The following CD44 variants were observed in gnomAD, a reference collection of about 807,000 sequenced individuals.
The protein encoded by CD44 is CD44 molecule (IN blood group), also known as CD44 antigen.
In CD44, 49 loss-of-function variants were observed where a neutral mutation model predicts 88.8. That is an observed-to-expected ratio of 0.55 (90% CI 0.44 to 0.70). The LOEUF (loss-of-function observed/expected upper bound fraction) is 0.70. CD44 is among the 30% of genes least tolerant of loss of function. The pLI is 0.00. For missense variants in CD44, 883 were observed against 913.8 expected (o/e 0.97, Z 0.43); for synonymous variants, 325 against 312.3 (o/e 1.04, Z -0.43).
intron 1 of CD44, among the ~76,000 whole-genome samples, chr11:35,163,871 A>C (rs1164696051): frequency 1.3e-5 from 2 of 152,156 alleles, no homozygotes; most frequent in East Asian, 3.9e-4. Context: ...GCCCCTGAGA[A>C]AGAAGAGATT....
At chr11:35,206,022 G>T (rs1947801519) in intron 10 of CD44, 90 bp from the exon 11 acceptor site, 3 of 1,436,274 alleles carry the variant, frequency 2.1e-6, no homozygotes, top group Non-Finnish European at 2.7e-6. Flanking sequence ...CTTGTCTAGA[G>T]AATAAAGTCT....
chr11:35,174,514 T>G (rs866143541), intron 1 of CD44, among the ~76,000 whole-genome samples: 38 of 152,326 alleles, frequency 2.5e-4, no homozygotes, highest in Middle Eastern at 3.4e-3. Context: ...TTTCCTCAAG[T>G]GTAAACCGGG....
intron 1 of CD44, among the ~76,000 whole-genome samples, chr11:35,166,687 A>T (rs1943312859): frequency 6.6e-6 from 1 of 152,236 alleles, no homozygotes; most frequent in Non-Finnish European, 1.5e-5. Flanking sequence ...AGGCGCCAAG[A>T]CGTTGGGGTG....
intron 12 of CD44, among the ~76,000 whole-genome samples, chr11:35,209,521 A>G (rs971914004): frequency 6.6e-6 from 1 of 152,164 alleles, no homozygotes. Context: ...CAACTAGACT[A>G]CAGGCTATCA....
At position 35,211,432 on chromosome 11, in the gene CD44, T is replaced by C; in HGVS notation, c.1793T>C (p.Val598Ala). The C allele has an allele frequency of 6.2e-7, 1 of 1,613,602 alleles. No individual in the cohort carries two copies. Among genetic ancestry groups the C allele is most frequent in the South Asian group, 1.1e-5 (1 of 91,062 alleles). Reference protein sequence around the residue: ...AVTVGDSNSNVNRSLSGDQDT... With the variant: ...AVTVGDSNSNANRSLSGDQDT... ...ACTGTTGGAGATTCCAACTCTAATG[T>C]CAATCGTTCCTTATCAGGTAATTTG... is the stretch of plus-strand genomic sequence containing the variant. The change falls in exon 14 of 18, where the codon GTC becomes GCC. Residue 598 changes from valine to alanine, a missense_variant. Physicochemically the swap from Val to Ala is moderately conservative, Grantham distance 64. Transcript: ENST00000428726.
At chr11:35,160,576 C>A (rs1942470892) in intron 1 of CD44, among the ~76,000 whole-genome samples, 1 of 152,148 alleles carries the variant, frequency 6.6e-6, no homozygotes, top group African/African-American at 2.4e-5. Context: ...CTTCTAGAGG[C>A]AGAGGGATGG....
chr11:35,195,974 C>G (rs12420308), intron 5 of CD44, among the ~76,000 whole-genome samples: 2 of 152,062 alleles, frequency 1.3e-5, no homozygotes, highest in Non-Finnish European at 2.9e-5. Flanking sequence ...ATGTCATTTT[C>G]CCTGTGTGTT....
chr11:35,201,668 C>A lies in CD44; in HGVS notation c.1037-3C>A. On this transcript the variant is annotated splice_polypyrimidine_tract_variant and splice_region_variant and intron_variant, in intron 8 of 17. Coordinates refer to ENST00000428726, the MANE Select transcript of CD44 (RefSeq NM_000610.4). The stretch of plus-strand genomic sequence containing the variant: ...ACAGTGTATTTAACCATCATCACAG[C>A]AGATGTAGACAGAAATGGCACCACT... 1 of 1,613,496 alleles carries A rather than the reference C, an allele frequency of 6.2e-7. No individual in the cohort carries two copies. Among genetic ancestry groups the A allele is most frequent in the Non-Finnish European group, 8.5e-7 (1 of 1,179,550 alleles).
intron 14 of CD44, among the ~76,000 whole-genome samples, chr11:35,211,698 G>GTGTGTGT (rs1486601582): frequency 6.7e-6 from 1 of 149,110 alleles, no homozygotes; most frequent in Non-Finnish European, 1.5e-5. Flanking sequence ...GTGTGTGTGT[G>GTGTGTGT]TGTGTGTTGT....
In CD44 at chr11:35,229,436, C is replaced by A. The variant is rs558786273; in HGVS notation, c.*103C>A. ...CAATGTGCTACTGATTGTTTCATTG[C>A]GAATCTTTTTTAGCATAAAATTTTC... On this transcript the variant is annotated 3_prime_UTR_variant, in exon 18 of 18. Coordinates refer to ENST00000428726, the MANE Select transcript of CD44 (RefSeq NM_000610.4). 15 of 688,326 alleles carry A rather than the reference C, an allele frequency of 2.2e-5. No individual in the cohort carries two copies. The highest frequency in any genetic ancestry group is 3.1e-5 in the Non-Finnish European group (13 of 413,506). 42.6% of individuals were successfully genotyped at this position (688,326 alleles called of 1,614,324 possible). A position where few individuals can be genotyped will look rare whatever the true frequency, so the allele number is the denominator to read the frequency against.
At chr11:35,186,618 A>T (rs1044403406) in intron 3 of CD44, among the ~76,000 whole-genome samples, 1 of 152,212 alleles carries the variant, frequency 6.6e-6, no homozygotes, top group African/African-American at 2.4e-5. Flanking sequence ...AATTTCCGGA[A>T]ACTTCATAAG....
chr11:35,180,150 C>CCTCCGATATCCCTAGGGATGAA, intron 2 of CD44, 124 bp from the exon 3 acceptor site: 1 of 879,986 alleles, frequency 1.1e-6, no homozygotes, highest in Non-Finnish European at 1.8e-6. Flanking sequence ...GTTGTTGAAA[C>CCTCCGATATCCCTAGGGATGAA]CTCCGATATC....
chr11:35,161,083 A>G (rs190895539), intron 1 of CD44, among the ~76,000 whole-genome samples: 2 of 152,352 alleles, frequency 1.3e-5, no homozygotes, highest in East Asian at 3.9e-4. Flanking sequence ...GTGGTTGACC[A>G]GTTAATAAAG....
At chr11:35,143,894 T>A (rs1402919059) in intron 1 of CD44, among the ~76,000 whole-genome samples, 2 of 152,218 alleles carry the variant, frequency 1.3e-5, no homozygotes, top group Non-Finnish European at 2.9e-5. Context: ...ACAGGACAAG[T>A]TAGGGCAATG....
Position 35,176,561 on chromosome 11 carries a change from A to G in CD44, c.68-14A>G, listed in dbSNP as rs4756196. 819,607 of 1,599,148 alleles carry G rather than the reference A, an allele frequency of 0.51. 214,065 individuals are homozygous for G. Among genetic ancestry groups the G allele is most frequent in the African/African-American group, 0.71 (52,605 of 74,166 alleles). On this transcript the variant is annotated splice_polypyrimidine_tract_variant and intron_variant, in intron 1 of 17. Coordinates refer to ENST00000428726, the MANE Select transcript of CD44 (RefSeq NM_000610.4). ...TTATGCAAAAGAATCTAACATTTCT[A>G]TTTCTTCCCATAGATTTGAATATAA...
rs75163993 is a variant in CD44 at position 35,224,213 on chromosome 11, T to G, written c.2024+2481T>G. Reference sequence around the variant, plus strand: ...TGATGAAGTGATCTGTGAGTCACGTTGTCTTAAAGATGCTGGGTTGGGGGT... The same window carrying G: ...TGATGAAGTGATCTGTGAGTCACGTGGTCTTAAAGATGCTGGGTTGGGGGT... On this transcript the variant is annotated intron_variant, in intron 17 of 17. Transcript: ENST00000428726. Among the ~76,000 whole-genome samples, 602 of 152,350 alleles carry G rather than the reference T, an allele frequency of 4.0e-3. 2 individuals carry two copies. Among genetic ancestry groups the G allele is most frequent in the African/African-American group, 0.014 (577 of 41,580 alleles).
At chr11:35,142,919 T>A (rs1332537358) in intron 1 of CD44, among the ~76,000 whole-genome samples, 1 of 152,108 alleles carries the variant, frequency 6.6e-6, no homozygotes, top group Non-Finnish European at 1.5e-5. Flanking sequence ...AGAGAGGGAC[T>A]AGTGACTTCC....
chr11:35,211,954 C>T (rs990244168), intron 14 of CD44, among the ~76,000 whole-genome samples: 2 of 151,836 alleles, frequency 1.3e-5, no homozygotes, highest in African/African-American at 4.8e-5. Flanking sequence ...ATCAGTTTTA[C>T]TTTTGGTGAT....
chr11:35,154,811 A>T (rs1444945770), intron 1 of CD44, among the ~76,000 whole-genome samples: 1 of 152,204 alleles, frequency 6.6e-6, no homozygotes, highest in East Asian at 1.9e-4. Flanking sequence ...TACCAGCTGA[A>T]TATTTCTGTA....
Sources: allele counts gnomAD v4.1 joint callset (sites outside exome capture counted in the v4.1 genomes callset), GRCh38; gene constraint gnomAD v4.1.1; transcripts MANE v1.5; gene names NCBI Gene and HGNC (gene_info 2026-07-23, HGNC 2026-07-21).